Variants in PDILT observed in about 807,000 individuals in gnomAD.
The protein encoded by PDILT is protein disulfide isomerase like, testis expressed, also known as protein disulfide-isomerase-like protein of the testis.
A neutral mutation model predicts 53.7 loss-of-function variants in PDILT; 43 were observed. That is an observed-to-expected ratio of 0.80 (90% CI 0.63 to 1.03). PDILT has a LOEUF of 1.03. Among genes scored for constraint, PDILT ranks in the 50% least tolerant of loss-of-function variants. The pLI, the probability that PDILT is intolerant of heterozygous loss-of-function variation, is 0.00. For synonymous variants in PDILT, 282 were observed against 274.2 expected, an observed-to-expected ratio of 1.03 and a Z score of -0.28; for missense variants, 727 against 712.3, an observed-to-expected ratio of 1.02 and a Z score of -0.24.
Position 20,365,507 on chromosome 16 carries a change from A to G in PDILT, c.1150T>C (p.Trp384Arg), listed in dbSNP as rs763966787. Residue 384 changes from tryptophan to arginine, a missense_variant, in exon 9 of 12, where the codon TGG becomes CGG. Physicochemically the swap from Trp to Arg is moderately radical, Grantham distance 101 (BLOSUM62 -3). Transcript: ENST00000302451. ...AGCTGCTTAACCAGTCCCTGGTCCCAGTATTTTGGAATCTCTTCACTGGAT... is the reference window on the plus strand; with the variant it reads ...AGCTGCTTAACCAGTCCCTGGTCCCGGTATTTTGGAATCTCTTCACTGGAT... The part of the protein sequence containing the change: ...HQSSEEIPKY[W>R]DQGLVKQLVG... 134 of 1,613,992 alleles carry G rather than the reference A, an allele frequency of 8.3e-5. No individual in the cohort carries two copies. Among genetic ancestry groups the G allele is most frequent in the Non-Finnish European group, 1.0e-4 (118 of 1,179,952 alleles).
intron 1 of PDILT, among the ~76,000 whole-genome samples, chr16:20,402,520 A>G (rs1459482769): frequency 6.6e-6 from 1 of 152,164 alleles, no homozygotes; most frequent in Non-Finnish European, 1.5e-5. Flanking sequence ...GCTGGTCTGG[A>G]ACTCCTGACC....
chr16:20,395,679 G>A (rs185729271), intron 2 of PDILT, among the ~76,000 whole-genome samples: 18 of 152,260 alleles, frequency 1.2e-4, no homozygotes, highest in Admixed American at 3.9e-4. Context: ...GGCCTAATAG[G>A]AGGTGTTTGG....
intron 2 of PDILT, among the ~76,000 whole-genome samples, chr16:20,389,465 C>T (rs776152043): frequency 2.0e-5 from 3 of 152,104 alleles, no homozygotes; most frequent in Admixed American, 2.0e-4. Flanking sequence ...TGACCAGATT[C>T]TCTCTGGGAA....
At chr16:20,367,993 G>A (rs1261775192) in intron 8 of PDILT, among the ~76,000 whole-genome samples, 1 of 152,148 alleles carries the variant, frequency 6.6e-6, no homozygotes, top group Non-Finnish European at 1.5e-5. Context: ...CATCATCAGA[G>A]CAATGAATGA....
At chr16:20,393,012 C>A (rs1966624744) in intron 2 of PDILT, among the ~76,000 whole-genome samples, 1 of 152,190 alleles carries the variant, frequency 6.6e-6, no homozygotes, top group African/African-American at 2.4e-5. Flanking sequence ...AAATGTATGG[C>A]TCTAAGCCTT....
chr16:20,381,851 A>T (rs997754804), intron 3 of PDILT, among the ~76,000 whole-genome samples: 1 of 152,122 alleles, frequency 6.6e-6, no homozygotes, highest in Non-Finnish European at 1.5e-5. Context: ...GCCCACCTGC[A>T]GTGGGTGCTT....
intron 2 of PDILT, among the ~76,000 whole-genome samples, chr16:20,386,439 G>C (rs939539013): frequency 2.0e-5 from 3 of 152,174 alleles, no homozygotes; most frequent in African/African-American, 2.4e-5. Context: ...GGAGCACTTG[G>C]AGAAAGTGCA....
intron 8 of PDILT, 79 bp downstream of exon 8, chr16:20,369,413 G>T: frequency 6.8e-7 from 1 of 1,478,804 alleles, no homozygotes; most frequent in Non-Finnish European, 9.4e-7. Context: ...CAGGTGAGGA[G>T]AATTATCAAG....
chr16:20,366,207 G>T (rs1452188540), intron 8 of PDILT, among the ~76,000 whole-genome samples: 1 of 152,032 alleles, frequency 6.6e-6, no homozygotes, highest in Non-Finnish European at 1.5e-5. Flanking sequence ...TGCAATAAAG[G>T]AAGTCTTCTC....
rs752535274 is a variant in PDILT at position 20,365,443 on chromosome 16, T to A, written c.1214A>T (p.Glu405Val). ...KNFNVVVFDKEKDVFVMFYAP... is the reference protein window; with the variant it reads ...KNFNVVVFDKVKDVFVMFYAP... ...ACAGAACATCACAAATACGTCCTTT[T>A]CTTTGTCAAAGACGACTACGTTGAA... Residue 405 changes from glutamate to valine, a missense_variant, in exon 9 of 12, where the codon GAA becomes GTA. Glu to Val is a moderately radical substitution (Grantham distance 121, BLOSUM62 -2). Transcript: ENST00000302451. 6.2e-7 allele frequency: 1 copy of A among 1,614,080 alleles called. No individual in the cohort carries two copies. The highest frequency in any genetic ancestry group is 1.3e-5 in the African/African-American group (1 of 75,048).
In PDILT at chr16:20,366,988, C is replaced by CTATTTATTTA. The variant is rs1567320487; in HGVS notation, c.1117-1449_1117-1448insTAAATAAATA. On this transcript the variant is annotated intron_variant, in intron 8 of 11. Transcript: ENST00000302451. ...CCTTCCTTCCTTCCTTCCTTCCTTCCTTTCTTTCTTTCTTTATTTATTTCT... is the reference window on the plus strand; with the variant it reads ...CCTTCCTTCCTTCCTTCCTTCCTTCCTATTTATTTATTTCTTTCTTTCTTTATTTATTTCT... Among the ~76,000 whole-genome samples the CTATTTATTTA allele has an allele frequency of 4.1e-4, 34 of 83,454 alleles. 3 individuals are homozygous for CTATTTATTTA. Among genetic ancestry groups the CTATTTATTTA allele is most frequent in the African/African-American group, 1.6e-3 (33 of 20,244 alleles). 54.7% of individuals were successfully genotyped at this position (83,454 alleles called of 152,430 possible).
At chr16:20,385,521 A>G (rs953042079) in intron 2 of PDILT, among the ~76,000 whole-genome samples, 2 of 152,230 alleles carry the variant, frequency 1.3e-5, no homozygotes, top group African/African-American at 4.8e-5. Context: ...TGGTCAAAGC[A>G]GGACCCAAGC....
rs777954895 is a variant in PDILT, at chr16:20,384,858, G to C, written c.203-7C>G. 13 of 1,613,712 alleles carry C rather than the reference G, an allele frequency of 8.1e-6. No individual in the cohort carries two copies. In the African/African-American group the frequency reaches 1.5e-4, roughly 18 times the overall value. On this transcript the variant is annotated splice_region_variant and splice_polypyrimidine_tract_variant and intron_variant, in intron 2 of 11. Transcript: ENST00000302451. ...TGCTTTGAGGATGGGTTGTCTGAAAGAGTATGAAGACAAAATTTGAGAGGC... is the reference window on the plus strand; with the variant it reads ...TGCTTTGAGGATGGGTTGTCTGAAACAGTATGAAGACAAAATTTGAGAGGC...
At chr16:20,398,425 C>T (rs75266258) in intron 2 of PDILT, among the ~76,000 whole-genome samples, 2 of 152,146 alleles carry the variant, frequency 1.3e-5, no homozygotes, top group African/African-American at 4.8e-5. Context: ...AGTTCGCGAC[C>T]AGCCTGGCCT....
chr16:20,400,438 T>G, intron 1 of PDILT, among the ~76,000 whole-genome samples: 1 of 145,618 alleles, frequency 6.9e-6, no homozygotes, highest in Admixed American at 7.0e-5. Context: ...TTTTTGCAGC[T>G]TGGTTAGCTC....
At chr16:20,404,112 T>C (rs114604643) in intron 1 of PDILT, among the ~76,000 whole-genome samples, 1,999 of 152,288 alleles carry the variant, frequency 0.013, 44 homozygotes, top group African/African-American at 0.046. Context: ...TTTCTCCCCT[T>C]CAGAACAGTG....
In PDILT at chr16:20,379,654, C is replaced by T. The variant is rs560753272; in HGVS notation, c.410-3453G>A. The stretch of plus-strand genomic sequence containing the variant: ...TGAATTCTTGTGCATGTCTCTGGGG[C>T]ACACTGTATGCACTTCTGTTGGGTG... On this transcript the variant is annotated intron_variant, in intron 3 of 11. Transcript: ENST00000302451. Among the ~76,000 whole-genome samples the T allele has an allele frequency of 8.5e-5, 13 of 152,318 alleles. No individual in the cohort carries two copies. The South Asian group carries it at 2.7e-3, about 32-fold the overall frequency.
At chr16:20,377,968 A>AG (rs1555490483) in intron 3 of PDILT, among the ~76,000 whole-genome samples, 1 of 152,034 alleles carries the variant, frequency 6.6e-6, no homozygotes, top group East Asian at 1.9e-4. Flanking sequence ...AAGAAAAAAA[A>AG]AAAGAAAGAA....
At chr16:20,379,063 G>T (rs893011291) in intron 3 of PDILT, among the ~76,000 whole-genome samples, 2 of 151,682 alleles carry the variant, frequency 1.3e-5, no homozygotes, top group Non-Finnish European at 2.9e-5. Context: ...ACCCAGGCTA[G>T]AGTGCAGTGG....
Sources: gnomAD v4.1 joint callset for allele counts (sites outside exome capture counted in the v4.1 genomes callset) on GRCh38, gnomAD v4.1.1 for gene constraint, MANE v1.5 for transcripts, NCBI Gene and HGNC (gene_info 2026-07-23, HGNC 2026-07-21) for gene names.